The following VAT1L variants were observed in gnomAD, a reference collection of about 807,000 sequenced individuals.
VAT1L encodes the protein vesicle amine transport 1 like, also known as putative NADPH-dependent quinone oxidoreductase VAT1L.
Under a neutral mutation model 44.1 loss-of-function variants are expected in VAT1L, and 34 were observed. That is an observed-to-expected ratio of 0.77 (90% CI 0.59 to 1.03). The LOEUF (loss-of-function observed/expected upper bound fraction) is 1.03. Among genes scored for constraint, VAT1L ranks in the 50% least tolerant of loss-of-function variants. The pLI, the probability that VAT1L is intolerant of heterozygous loss-of-function variation, is 0.00. For missense variants in VAT1L, 615 were observed against 538.8 expected, an observed-to-expected ratio of 1.14 and a Z score of -1.40; for synonymous variants, 253 against 202.2, an observed-to-expected ratio of 1.25 and a Z score of -2.13.
intron 7 of VAT1L, among the ~76,000 whole-genome samples, chr16:77,935,837 A>ATTC (rs780943413): frequency 5.3e-5 from 8 of 152,154 alleles, no homozygotes; most frequent in Non-Finnish European, 1.2e-4. Context: ...AGTTTTTTTC[A>ATTC]TTCATTAAAT....
intron 7 of VAT1L, among the ~76,000 whole-genome samples, chr16:77,941,207 A>T (rs1245675492): frequency 1.3e-5 from 2 of 152,158 alleles, no homozygotes; most frequent in Admixed American, 1.3e-4. Flanking sequence ...TTCTCAGAAG[A>T]TAAGGCCCAG....
At chr16:77,826,986 A>G (rs773720658) in intron 3 of VAT1L, among the ~76,000 whole-genome samples, 2 of 152,226 alleles carry the variant, frequency 1.3e-5, no homozygotes, top group African/African-American at 2.4e-5. Flanking sequence ...AAAACTCTAT[A>G]TAGTGTAGAG....
In VAT1L at chr16:77,977,618, A is replaced by G. The variant is rs1367281366; in HGVS notation, c.1183A>G (p.Thr395Ala). The change falls in exon 9 of 9, where the codon ACC becomes GCC. Residue 395 changes from threonine (T) to alanine (A), a missense_variant. Transcript: ENST00000302536. ...ACAGATGGCCAATGACAGCACAGAG[A>G]CCAGTGAAGCAGGGGAAGAGGAGGA... ...TPLMANDSTE[T>A]SEAGEEEEDH... The G allele has an allele frequency of 3.1e-6, 5 of 1,614,086 alleles. No individual in the cohort carries two copies. The highest frequency in any genetic ancestry group is 4.2e-6 in the Non-Finnish European group (5 of 1,179,992).
chr16:77,923,846 T>C (rs1172332009), intron 7 of VAT1L, among the ~76,000 whole-genome samples: 3 of 152,140 alleles, frequency 2.0e-5, no homozygotes, highest in Non-Finnish European at 4.4e-5. Context: ...GGATAGCTCA[T>C]ATGAGCTTAG....
chr16:77,951,793 G>C (rs2018046176), intron 7 of VAT1L, among the ~76,000 whole-genome samples: 1 of 150,828 alleles, frequency 6.6e-6, no homozygotes, highest in South Asian at 2.1e-4. Context: ...TATTGGTTTT[G>C]TGTAGTTTTC....
At chr16:77,804,725 G>T (rs2016124765) in intron 1 of VAT1L, among the ~76,000 whole-genome samples, 1 of 151,988 alleles carries the variant, frequency 6.6e-6, no homozygotes, top group South Asian at 2.1e-4. Context: ...TCATGAGTTG[G>T]CATCTTGTGC....
rs143451269 is a variant in VAT1L at position 77,853,930 on chromosome 16, C to G, written c.580-8818C>G. Among the ~76,000 whole-genome samples, 19 of 152,110 alleles carry G rather than the reference C, an allele frequency of 1.2e-4. No homozygotes were observed. In the East Asian group the frequency reaches 3.7e-3, roughly 29 times the overall value. On this transcript the variant is annotated intron_variant, in intron 3 of 8. Transcript: ENST00000302536. ...CCAAGGAGAGTTCAGGATTTCGAGACCAGCCTGGCCAGCATGGTGAAACCC... is the reference window on the plus strand; with the variant it reads ...CCAAGGAGAGTTCAGGATTTCGAGAGCAGCCTGGCCAGCATGGTGAAACCC...
At chr16:77,904,853 G>T (rs954464008) in intron 7 of VAT1L, among the ~76,000 whole-genome samples, 44 of 152,014 alleles carry the variant, frequency 2.9e-4, no homozygotes, top group African/African-American at 8.5e-4. Flanking sequence ...TTGACACATG[G>T]TTGCACTTCA....
intron 7 of VAT1L, among the ~76,000 whole-genome samples, chr16:77,935,605 G>C (rs1412470405): frequency 1.3e-5 from 2 of 151,844 alleles, no homozygotes; most frequent in Non-Finnish European, 2.9e-5. Flanking sequence ...GAGAGGGACA[G>C]AGACGGAGAG....
Position 77,870,548 on chromosome 16 carries a change from C to T in VAT1L, c.723-5822C>T, listed in dbSNP as rs959238847. ...GAAGGAAAGAGGCAGCATTCACCATCCAGGGCCCGGGGCTGGGGACACAGG... is the reference window on the plus strand; with the variant it reads ...GAAGGAAAGAGGCAGCATTCACCATTCAGGGCCCGGGGCTGGGGACACAGG... On this transcript the variant is annotated intron_variant, in intron 4 of 8. Coordinates refer to ENST00000302536, the MANE Select transcript of VAT1L (RefSeq NM_020927.3). Among the ~76,000 whole-genome samples, 9 of 152,308 alleles carry T rather than the reference C, an allele frequency of 5.9e-5. No homozygotes were observed. The South Asian group carries it at 1.2e-3, about 21-fold the overall frequency.
At chr16:77,843,166 A>T (rs917143398) in intron 3 of VAT1L, among the ~76,000 whole-genome samples, 4 of 152,190 alleles carry the variant, frequency 2.6e-5, no homozygotes, top group African/African-American at 9.7e-5. Flanking sequence ...GTACGGGTCT[A>T]CCCATCTGCT....
intron 7 of VAT1L, among the ~76,000 whole-genome samples, chr16:77,960,621 C>A (rs936868715): frequency 6.6e-6 from 1 of 152,152 alleles, no homozygotes; most frequent in Admixed American, 6.5e-5. Context: ...CTAGCAGGAT[C>A]TCATTGGCCA....
chr16:77,853,104 G>A (rs951699281), intron 3 of VAT1L, among the ~76,000 whole-genome samples: 16 of 152,302 alleles, frequency 1.1e-4, no homozygotes, highest in African/African-American at 3.6e-4. Flanking sequence ...TAGAAGAAAA[G>A]GTTTAAATTG....
chr16:77,969,719 G>A (rs1258501297), intron 7 of VAT1L, among the ~76,000 whole-genome samples: 1 of 151,936 alleles, frequency 6.6e-6, no homozygotes, highest in Non-Finnish European at 1.5e-5. Flanking sequence ...CACGGGGAGG[G>A]GATGAGTACC....
chr16:77,792,331 C>T (rs1271305912), intron 1 of VAT1L, among the ~76,000 whole-genome samples: 1 of 152,064 alleles, frequency 6.6e-6, no homozygotes, highest in African/African-American at 2.4e-5. Flanking sequence ...AGACATGAGT[C>T]CCAGCTCTGA....
chr16:77,795,392 T>C (rs938648087), intron 1 of VAT1L, among the ~76,000 whole-genome samples: 6 of 152,112 alleles, frequency 3.9e-5, no homozygotes, highest in Admixed American at 2.6e-4. Flanking sequence ...AAATGGCAAA[T>C]AGCTTAACAG....
At chr16:77,860,679 T>C (rs2016906371) in intron 3 of VAT1L, among the ~76,000 whole-genome samples, 2 of 152,146 alleles carry the variant, frequency 1.3e-5, no homozygotes, top group Admixed American at 1.3e-4. Context: ...GCTGCATTGG[T>C]TGCTGATATT....
intron 7 of VAT1L, among the ~76,000 whole-genome samples, chr16:77,949,590 C>T (rs1475060133): frequency 1.3e-5 from 2 of 152,124 alleles, no homozygotes; most frequent in Non-Finnish European, 1.5e-5. Flanking sequence ...CTAGTAGTTC[C>T]TGCCAGAGCT....
At chr16:77,911,451 C>T (rs1161738742) in intron 7 of VAT1L, among the ~76,000 whole-genome samples, 1 of 152,146 alleles carries the variant, frequency 6.6e-6, no homozygotes, top group Non-Finnish European at 1.5e-5. Context: ...TGCCCAAGGC[C>T]CTGGGCTTCA....
Sources: gnomAD v4.1 joint callset for allele counts (sites outside exome capture counted in the v4.1 genomes callset) on GRCh38, gnomAD v4.1.1 for gene constraint, MANE v1.5 for transcripts, NCBI Gene and HGNC (gene_info 2026-07-23, HGNC 2026-07-21) for gene names.